STMN2: variants seen among roughly 807,000 people sequenced by gnomAD.
STMN2 encodes the protein stathmin 2.
Under a neutral mutation model 24.1 loss-of-function variants are expected in STMN2, and 2 were observed. That is an observed-to-expected ratio of 0.08 (90% confidence interval 0.03 to 0.26). The LOEUF (loss-of-function observed/expected upper bound fraction) is 0.26. Among genes scored for constraint, STMN2 ranks in the 10% least tolerant of loss-of-function variants. The pLI is 1.00. For synonymous variants in STMN2, 83 were observed against 77.5 expected, an observed-to-expected ratio of 1.07 and a Z score of -0.37; for missense variants, 114 against 213.6, an observed-to-expected ratio of 0.53 and a Z score of 2.91.
At chr8:79,633,777 G>A (rs1005575161) in intron 1 of STMN2, among the ~76,000 whole-genome samples, 5 of 152,066 alleles carry the variant, frequency 3.3e-5, no homozygotes, top group Admixed American at 6.6e-5. Flanking sequence ...CAAATTTTGC[G>A]GGGACACAAA....
chr8:79,658,818 C>A (rs1393294892), intron 4 of STMN2, among the ~76,000 whole-genome samples: 1 of 152,230 alleles, frequency 6.6e-6, no homozygotes, highest in Non-Finnish European at 1.5e-5. Flanking sequence ...GAGCCCCAGC[C>A]ATGTTAGCTC....
chr8:79,657,628 T>C (rs1014392371), intron 4 of STMN2, among the ~76,000 whole-genome samples: 14 of 152,224 alleles, frequency 9.2e-5, no homozygotes, highest in Middle Eastern at 3.4e-3. Context: ...TAGGACCACA[T>C]TTTTTTCTGG....
chr8:79,626,238 T>C (rs540275707), intron 1 of STMN2, among the ~76,000 whole-genome samples: 2 of 152,310 alleles, frequency 1.3e-5, no homozygotes, highest in South Asian at 2.1e-4. Flanking sequence ...CACTCACTAG[T>C]ATTGGAGCTA....
intron 1 of STMN2, among the ~76,000 whole-genome samples, chr8:79,619,024 ATAATT>A (rs979723629): frequency 2.0e-5 from 3 of 152,208 alleles, no homozygotes; most frequent in African/African-American, 7.2e-5. Context: ...CACATTTAAA[ATAATT>A]TATTTTTATA....
chr8:79,627,893 A>G (rs1809696316), intron 1 of STMN2, among the ~76,000 whole-genome samples: 1 of 152,170 alleles, frequency 6.6e-6, no homozygotes, highest in South Asian at 2.1e-4. Context: ...CACTTGACAT[A>G]ATGTCCTTCA....
At chr8:79,630,105 G>T (rs1431466352) in intron 1 of STMN2, among the ~76,000 whole-genome samples, 1 of 152,126 alleles carries the variant, frequency 6.6e-6, no homozygotes, top group East Asian at 1.9e-4. Flanking sequence ...TGTTCTATAT[G>T]AATTAGATAT....
chr8:79,648,379 CA>C (rs1348966020), intron 3 of STMN2, among the ~76,000 whole-genome samples: 1 of 150,584 alleles, frequency 6.6e-6, no homozygotes, highest in Non-Finnish European at 1.5e-5. Flanking sequence ...GATTATCTAG[CA>C]AACTCATGAT....
intron 2 of STMN2, among the ~76,000 whole-genome samples, chr8:79,637,148 T>C (rs1563440310): frequency 6.6e-6 from 1 of 152,238 alleles, no homozygotes; most frequent in Non-Finnish European, 1.5e-5. Flanking sequence ...ACATCCAGCA[T>C]ATCAACATCC....
rs375594976 is a variant in STMN2 at position 79,627,589 on chromosome 8, AT to A, written c.20-9212del. On this transcript the variant is annotated intron_variant, in intron 1 of 4. Transcript: ENST00000220876. ...GCCAAAAATAGACCTTGCATGTAGC[AT>A]GTGGAAGAGTAGAAATTGCCCTGAT... Among the ~76,000 whole-genome samples, 626 of 152,350 alleles carry A rather than the reference AT, an allele frequency of 4.1e-3. 4 individuals carry two copies. The highest frequency in any genetic ancestry group is 0.014 in the African/African-American group (576 of 41,586).
intron 1 of STMN2, among the ~76,000 whole-genome samples, chr8:79,616,978 T>C (rs1414968044): frequency 6.6e-6 from 1 of 152,118 alleles, no homozygotes; most frequent in Non-Finnish European, 1.5e-5. Flanking sequence ...GGATGATAAA[T>C]CAATAATGCA....
chr8:79,614,960 T>C (rs1309301770), intron 1 of STMN2, among the ~76,000 whole-genome samples: 1 of 152,198 alleles, frequency 6.6e-6, no homozygotes, highest in African/African-American at 2.4e-5. Flanking sequence ...GATTAAAAAA[T>C]GCTACAAGAG....
chr8:79,662,084 T>C (rs767949182), intron 4 of STMN2, among the ~76,000 whole-genome samples: 16 of 152,146 alleles, frequency 1.1e-4, no homozygotes, highest in Non-Finnish European at 1.9e-4. Context: ...AGACCTCATA[T>C]TTCTTACCTT....
intron 3 of STMN2, among the ~76,000 whole-genome samples, chr8:79,652,859 C>T (rs1050864722): frequency 2.6e-5 from 4 of 151,910 alleles, no homozygotes; most frequent in African/African-American, 7.3e-5. Flanking sequence ...GTAACAATTC[C>T]GTAGTCCTGA....
chr8:79,657,073 C>T (rs568060741), intron 4 of STMN2, among the ~76,000 whole-genome samples: 15 of 152,214 alleles, frequency 9.9e-5, no homozygotes, highest in South Asian at 2.1e-4. Context: ...AGGGTTTTGC[C>T]GTGTTGGCCA....
intron 3 of STMN2, among the ~76,000 whole-genome samples, chr8:79,643,072 T>C (rs1304253579): frequency 6.8e-6 from 1 of 147,836 alleles, no homozygotes; most frequent in Admixed American, 6.8e-5. Context: ...ATATTGTATA[T>C]ATGCCATAAT....
intron 1 of STMN2, among the ~76,000 whole-genome samples, chr8:79,618,781 G>A (rs1057014429): frequency 6.6e-6 from 1 of 152,096 alleles, no homozygotes; most frequent in African/African-American, 2.4e-5. Flanking sequence ...GAGTGTAAAG[G>A]TTAATTAATG....
intron 4 of STMN2, among the ~76,000 whole-genome samples, chr8:79,656,895 A>G (rs1189246838): frequency 8.0e-6 from 1 of 125,326 alleles, no homozygotes; most frequent in Non-Finnish European, 2.0e-5. Context: ...TTTTTTTGAG[A>G]TAGAGTCTCG....
intron 1 of STMN2, among the ~76,000 whole-genome samples, chr8:79,633,308 G>T (rs150707061): frequency 6.6e-6 from 1 of 152,180 alleles, no homozygotes; most frequent in Non-Finnish European, 1.5e-5. Flanking sequence ...GTAGAGTCAT[G>T]CTATGTGGGG....
chr8:79,624,746 T>C (rs1294847033), intron 1 of STMN2, among the ~76,000 whole-genome samples: 2 of 152,210 alleles, frequency 1.3e-5, no homozygotes, highest in Non-Finnish European at 2.9e-5. Context: ...AATTTGCTGC[T>C]CAGAAAGATC....
Sources: gnomAD v4.1 joint callset for allele counts (sites outside exome capture counted in the v4.1 genomes callset) on GRCh38, gnomAD v4.1.1 for gene constraint, MANE v1.5 for transcripts, NCBI Gene and HGNC (gene_info 2026-07-23, HGNC 2026-07-21) for gene names.